TK1: variants seen among roughly 807,000 people sequenced by gnomAD.
The protein encoded by TK1 is thymidine kinase, cytosolic.
In TK1, 13 loss-of-function variants were observed where a neutral mutation model predicts 22.4. That is an observed-to-expected ratio of 0.58 (90% CI 0.38 to 0.92). The LOEUF (loss-of-function observed/expected upper bound fraction) is 0.92. Ranked by LOEUF, TK1 falls within the 40% of genes least tolerant of loss-of-function variation. TK1 has a pLI of 0.00. For missense variants in TK1, 251 were observed against 315.7 expected (o/e 0.80, Z 1.55); for synonymous variants, 134 against 125.4 (o/e 1.07, Z -0.46).
intron 3 of TK1, among the ~76,000 whole-genome samples, chr17:78,182,901 C>G (rs1003434546): frequency 6.6e-6 from 1 of 152,328 alleles, no homozygotes; most frequent in South Asian, 2.1e-4. Flanking sequence ...CTCTGTCACC[C>G]AGGCTGGAGT....
At chr17:78,177,731 G>A (rs1285876307) in intron 4 of TK1, among the ~76,000 whole-genome samples, 4 of 151,984 alleles carry the variant, frequency 2.6e-5, no homozygotes, top group South Asian at 2.1e-4. Flanking sequence ...CCGCCACCAC[G>A]CCTGGCTAAT....
chr17:78,176,191 A>C (rs1225340829), intron 4 of TK1, among the ~76,000 whole-genome samples: 1 of 152,006 alleles, frequency 6.6e-6, no homozygotes, highest in Non-Finnish European at 1.5e-5. Flanking sequence ...GCAGGATGAC[A>C]CAGCACAGCC....
chr17:78,175,861 A>G (rs552760813), intron 4 of TK1, among the ~76,000 whole-genome samples: 2 of 152,270 alleles, frequency 1.3e-5, no homozygotes, highest in Admixed American at 6.5e-5. Flanking sequence ...CTCCGAGTCC[A>G]GGTACCCAGG....
chr17:78,174,559 A>C lies in TK1; in HGVS notation c.*200T>G. The C allele has an allele frequency of 3.3e-6, 2 of 610,742 alleles. No homozygotes were observed. Among genetic ancestry groups the C allele is most frequent in the Non-Finnish European group, 5.5e-6 (2 of 360,486 alleles). 37.8% of individuals were successfully genotyped at this position (610,742 alleles called of 1,614,324 possible). On this transcript the variant is annotated 3_prime_UTR_variant, in exon 7 of 7. Coordinates refer to ENST00000301634, the MANE Select transcript of TK1 (RefSeq NM_003258.5). Reference sequence around the variant, plus strand: ...CGATCGTCCCAGCAGCTGAGAGGGAAGCTTTAAGCAGACCAGTGGGTAGGA... The same window carrying C: ...CGATCGTCCCAGCAGCTGAGAGGGACGCTTTAAGCAGACCAGTGGGTAGGA...
In TK1 at chr17:78,182,592, C is replaced by T. The variant is rs1424525398; in HGVS notation, c.300G>A (p.Gln100=). 3.8e-6 allele frequency: 6 copies of T among 1,577,446 alleles called. No individual in the cohort carries two copies. The highest frequency in any genetic ancestry group is 3.6e-5 in the Admixed American group (2 of 55,438). Residue 100 remains glutamine (Q), a synonymous_variant, in exon 4 of 7, where the codon CAG becomes CAA. Transcript: ENST00000301634. ...ATGCCAAGACAAGCCAACTTACAAA[C>T]TGCCCCTCGTCGATGCCTATGACAG... ...GVAVIGIDEG[Q]FFPDIVEFCE...
rs1381225338 is a variant in TK1, at chr17:78,182,615, C to T, written c.277G>A (p.Val93Ile). Residue 93 changes from valine (V) to isoleucine (I), a missense_variant, in exon 4 of 7, where the codon GTC becomes ATC. Transcript: ENST00000301634. ...DVAQEALGVAVIGIDEGQFFP... is the reference protein window; with the variant it reads ...DVAQEALGVAIIGIDEGQFFP... Reference sequence around the variant, plus strand: ...AACTGCCCCTCGTCGATGCCTATGACAGCCACGCCCAGGGCCTCCTGGGCC... The same window carrying T: ...AACTGCCCCTCGTCGATGCCTATGATAGCCACGCCCAGGGCCTCCTGGGCC... 5 of 1,593,070 alleles carry T rather than the reference C, an allele frequency of 3.1e-6. No homozygotes were observed. The highest frequency in any genetic ancestry group is 2.6e-6 in the Non-Finnish European group (3 of 1,170,584).
rs560605127 is a variant in TK1 at position 78,175,452 on chromosome 17, A to G, written c.393+77T>C. 1,417 of 1,405,642 alleles carry G rather than the reference A, an allele frequency of 1.0e-3. 2 individuals are homozygous for G. Among genetic ancestry groups the G allele is most frequent in the Non-Finnish European group, 1.3e-3 (1,335 of 1,016,940 alleles). 87.1% of individuals were successfully genotyped at this position (1,405,642 alleles called of 1,614,324 possible). A position where few individuals can be genotyped will look rare whatever the true frequency, so the allele number is the denominator to read the frequency against. ...TGGTGGCTGAGCCCTGGTCACCCAG[A>G]GCTGGTGTCTCTGTGCCCATCCAGA... On this transcript the variant is annotated intron_variant, in intron 5 of 6. Transcript: ENST00000301634.
At chr17:78,185,237 G>T in intron 2 of TK1, 72 bp from the exon 3 acceptor site, 1 of 1,192,532 alleles carries the variant, frequency 8.4e-7, no homozygotes. Flanking sequence ...TCCCCAACAA[G>T]CCTGGCTCCT....
At chr17:78,183,986 A>G (rs1347469155) in intron 3 of TK1, among the ~76,000 whole-genome samples, 2 of 152,186 alleles carry the variant, frequency 1.3e-5, no homozygotes, top group African/African-American at 4.8e-5. Context: ...CTCATATTTA[A>G]TCCCGGATCT....
chr17:78,185,732 G>A (rs187093499), intron 2 of TK1, among the ~76,000 whole-genome samples: 5 of 151,982 alleles, frequency 3.3e-5, no homozygotes, highest in East Asian at 1.9e-4. Flanking sequence ...GTTTTACCAC[G>A]TTGACCAGGG....
intron 2 of TK1, 44 bp from the exon 3 acceptor site, chr17:78,185,209 G>C: frequency 1.3e-6 from 2 of 1,512,202 alleles, no homozygotes; most frequent in Non-Finnish European, 1.8e-6. Context: ...GGCGGGAGGA[G>C]TGGGAGAAGG....
intron 1 of TK1, 29 bp downstream of exon 1, chr17:78,186,900 C>G (rs1171981763): frequency 1.3e-6 from 2 of 1,565,418 alleles, no homozygotes; most frequent in Admixed American, 1.9e-5. Context: ...CACCTCATCC[C>G]CAGCCACGCG....
At chr17:78,186,661 G>GGGGAAGGGAAGGGGAGGGAA (rs1567836809) in intron 2 of TK1, 126 bp downstream of exon 2, 1 of 962,492 alleles carries the variant, frequency 1.0e-6, no homozygotes, top group Non-Finnish European at 1.5e-6. Context: ...GGTCCTTCTA[G>GGGGAAGGGAAGGGGAGGGAA]GGGAAGGGAA....
intron 4 of TK1, among the ~76,000 whole-genome samples, chr17:78,175,975 G>C (rs1451514151): frequency 6.6e-6 from 1 of 152,210 alleles, no homozygotes; most frequent in Non-Finnish European, 1.5e-5. Context: ...CCCATTATCT[G>C]TGTGACCTTG....
chr17:78,186,866 C>T (rs1264792415), intron 1 of TK1, 48 bp from the exon 2 acceptor site: 1 of 1,569,328 alleles, frequency 6.4e-7, no homozygotes, highest in South Asian at 1.2e-5. Context: ...GCGCGGATGC[C>T]TGGACACAGG....
rs9903900 is a variant in TK1 at position 78,186,710 on chromosome 17, A to G, written c.98+77T>C. ...AAGGGGAGGGGAGGGGAGGGGAGGGAAGGGGAGGGGAGGGACGGGACAAGG... is the reference window on the plus strand; with the variant it reads ...AAGGGGAGGGGAGGGGAGGGGAGGGGAGGGGAGGGGAGGGACGGGACAAGG... On this transcript the variant is annotated intron_variant, in intron 2 of 6. Coordinates refer to ENST00000301634, the MANE Select transcript of TK1 (RefSeq NM_003258.5). 1,876 of 760,376 alleles carry G rather than the reference A, an allele frequency of 2.5e-3. 26 individuals are homozygous for G. The African/African-American group carries it at 0.067, about 27-fold the overall frequency. 47.1% of individuals were successfully genotyped at this position (760,376 alleles called of 1,614,324 possible). A position where few individuals can be genotyped will look rare whatever the true frequency, so the allele number is the denominator to read the frequency against.
At chr17:78,184,324 GCT>G (rs2075763621) in intron 3 of TK1, among the ~76,000 whole-genome samples, 1 of 152,210 alleles carries the variant, frequency 6.6e-6, no homozygotes, top group Non-Finnish European at 1.5e-5. Context: ...CCCAGCCAGG[GCT>G]CTGAGGCTGA....
In TK1 at chr17:78,175,638, A is replaced by G; in HGVS notation, c.304-20T>C. 6.2e-7 allele frequency: 1 copy of G among 1,608,954 alleles called. No individual in the cohort carries two copies. The highest frequency in any genetic ancestry group is 8.5e-7 in the Non-Finnish European group (1 of 1,177,446). ...AGGGAACTGGAAAGGGCACGTGGAG[A>G]AAGAGTGTGAGAGCTTCCACCCCAG... On this transcript the variant is annotated intron_variant, in intron 4 of 6. Coordinates refer to ENST00000301634, the MANE Select transcript of TK1 (RefSeq NM_003258.5).
chr17:78,179,573 T>C lies in TK1; in HGVS notation c.303+3016A>G, dbSNP rs2075724691. 5 of 985,240 alleles carry C rather than the reference T, an allele frequency of 5.1e-6. No homozygotes were observed. The South Asian group carries it at 2.3e-4, about 46-fold the overall frequency. 61.0% of individuals were successfully genotyped at this position (985,240 alleles called of 1,614,324 possible). On this transcript the variant is annotated intron_variant, in intron 4 of 6. Transcript: ENST00000301634. ...CGTCAGCCTCCCCACGGGAATGGAA[T>C]TTGCAGCTGTGACTCATACAGAATG...
Sources: allele counts gnomAD v4.1 joint callset (sites outside exome capture counted in the v4.1 genomes callset), GRCh38; gene constraint gnomAD v4.1.1; transcripts MANE v1.5; gene names NCBI Gene and HGNC (gene_info 2026-07-23, HGNC 2026-07-21).